Variants in OTOG observed in about 807,000 individuals in gnomAD.
The protein encoded by OTOG is otogelin.
In OTOG, 296 loss-of-function variants were observed where a neutral mutation model predicts 313.8. The observed-to-expected ratio is 0.94, with a 90% CI of 0.86 to 1.04. OTOG has a LOEUF of 1.04. Among genes scored for constraint, OTOG ranks in the 50% least tolerant of loss-of-function variants. The pLI is 0.00. For synonymous variants in OTOG, 1,533 were observed against 1,554.9 expected, an observed-to-expected ratio of 0.99 and a Z score of 0.33; for missense variants, 3,948 against 3,840.1, an observed-to-expected ratio of 1.03 and a Z score of -0.74.
chr11:17,574,967 C>G, intron 20 of OTOG, 55 bp downstream of exon 20: 1 of 1,423,492 alleles, frequency 7.0e-7, no homozygotes, highest in South Asian at 1.5e-5. Flanking sequence ...CCAGGGGTCT[C>G]CAGGGCATCT....
intron 32 of OTOG, among the ~76,000 whole-genome samples, chr11:17,604,431 C>T (rs1461342327): frequency 2.0e-5 from 3 of 152,208 alleles, no homozygotes; most frequent in Non-Finnish European, 4.4e-5. Flanking sequence ...TGCTGGGCTG[C>T]CCATGCCCAC....
intron 17 of OTOG, among the ~76,000 whole-genome samples, chr11:17,571,803 C>T (rs1176540719): frequency 1.3e-5 from 2 of 151,976 alleles, no homozygotes; most frequent in African/African-American, 4.8e-5. Flanking sequence ...ATGTGTACAT[C>T]CATGATTCTA....
intron 39 of OTOG, among the ~76,000 whole-genome samples, chr11:17,622,960 C>T (rs1320839223): frequency 6.6e-6 from 1 of 152,132 alleles, no homozygotes; most frequent in Non-Finnish European, 1.5e-5. Flanking sequence ...ACATTCCCAC[C>T]AAAAGTGTGA....
At chr11:17,611,892 G>A (rs1853559785) in intron 36 of OTOG, among the ~76,000 whole-genome samples, 1 of 152,082 alleles carries the variant, frequency 6.6e-6, no homozygotes, top group Admixed American at 6.6e-5. Context: ...GAGCTAGTGT[G>A]TATACATGCC....
At chr11:17,564,975 T>C (rs4757547) in intron 15 of OTOG, among the ~76,000 whole-genome samples, 3 of 152,100 alleles carry the variant, frequency 2.0e-5, no homozygotes, top group Non-Finnish European at 4.4e-5. Context: ...TTTTAGAACA[T>C]CTTTAGCTTT....
intron 15 of OTOG, 71 bp from the exon 16 acceptor site, chr11:17,569,085 C>T: frequency 5.2e-6 from 8 of 1,525,896 alleles, no homozygotes; most frequent in Middle Eastern, 2.0e-4. Context: ...GTCTCTGTCC[C>T]TAGAGGGCTC....
intron 8 of OTOG, among the ~76,000 whole-genome samples, chr11:17,557,688 G>A (rs1852085329): frequency 6.6e-6 from 1 of 150,662 alleles, no homozygotes; most frequent in African/African-American, 2.4e-5. Context: ...AGACACCTAT[G>A]GAGGAGTGGT....
rs1418330847 is a variant in OTOG at position 17,640,778 on chromosome 11, C to T, written c.7969C>T (p.His2657Tyr). ...EKSQLDEEFM[H>Y]SVENVCGCAK... The stretch of plus-strand genomic sequence containing the variant: ...ATCCCAGCTGGATGAGGAGTTCATG[C>T]ACAGCGTGGAGAATGTGTGTGGCTG... Residue 2657 changes from histidine (H) to tyrosine (Y), a missense_variant, in exon 50 of 56, where the codon CAC becomes TAC. His to Tyr is a moderately conservative substitution (Grantham distance 83, BLOSUM62 2). Coordinates refer to ENST00000399397, the MANE Select transcript of OTOG (RefSeq NM_001292063.2). 6.5e-7 allele frequency: 1 copy of T among 1,550,124 alleles called. No individual in the cohort carries two copies. The highest frequency in any genetic ancestry group is 1.4e-5 in the African/African-American group (1 of 73,070).
chr11:17,583,636 G>A (rs1007067731), intron 23 of OTOG, among the ~76,000 whole-genome samples: 8 of 152,076 alleles, frequency 5.3e-5, no homozygotes, highest in African/African-American at 1.4e-4. Context: ...CTGTATACAC[G>A]TGGGTATATT....
chr11:17,627,332 A>T (rs930422833), intron 39 of OTOG, among the ~76,000 whole-genome samples: 5 of 151,762 alleles, frequency 3.3e-5, no homozygotes, highest in East Asian at 1.9e-4. Context: ...TTGTGAAGGG[A>T]TGTTGAATTT....
intron 23 of OTOG, among the ~76,000 whole-genome samples, chr11:17,579,322 G>A (rs1005306677): frequency 6.6e-6 from 1 of 152,188 alleles, no homozygotes; most frequent in African/African-American, 2.4e-5. Context: ...CAGTCAGTTG[G>A]AGCTTTACTG....
At chr11:17,587,571 G>T (rs537063021) in intron 24 of OTOG, among the ~76,000 whole-genome samples, 11 of 152,262 alleles carry the variant, frequency 7.2e-5, no homozygotes, top group South Asian at 2.1e-4. Flanking sequence ...CCCATGCTGG[G>T]ACTGAAACCA....
intron 36 of OTOG, among the ~76,000 whole-genome samples, chr11:17,611,889 T>C (rs1853559717): frequency 6.6e-6 from 1 of 152,200 alleles, no homozygotes; most frequent in African/African-American, 2.4e-5. Flanking sequence ...TGTGAGCTAG[T>C]GTGTATACAT....
intron 39 of OTOG, among the ~76,000 whole-genome samples, chr11:17,614,234 C>T (rs534346395): frequency 7.9e-5 from 12 of 152,106 alleles, no homozygotes; most frequent in African/African-American, 2.4e-4. Flanking sequence ...GTCTCCTCCT[C>T]AGGTCCCAAA....
At position 17,561,712 on chromosome 11, in the gene OTOG, C is replaced by A. The variant is rs980878787; in HGVS notation, c.1549C>A (p.Arg517=). 1 of 1,550,494 alleles carries A rather than the reference C, an allele frequency of 6.4e-7. No individual in the cohort carries two copies. Among genetic ancestry groups the A allele is most frequent in the Non-Finnish European group, 8.7e-7 (1 of 1,146,972 alleles). ...DIHFTTFDGR[R]YTFPATCQYI... is the part of the protein sequence containing the mutation. The stretch of plus-strand genomic sequence containing the variant: ...TCACTTCACAACCTTTGATGGCCGC[C>A]GGTACACGTTCCCCGCCACATGTCA... The change falls in exon 15 of 56, where the codon CGG becomes AGG. Residue 517 remains arginine, a synonymous_variant. Coordinates refer to ENST00000399397, the MANE Select transcript of OTOG (RefSeq NM_001292063.2).
Position 17,645,790 on chromosome 11 carries a change from A to T in OTOG, c.8588A>T (p.Tyr2863Phe), listed in dbSNP as rs1186247787. Residue 2863 changes from tyrosine (Y) to phenylalanine (F), a missense_variant, in exon 56 of 56, where the codon TAC (tyrosine) becomes TTC (phenylalanine). Tyr to Phe is a conservative substitution (Grantham distance 22). Transcript: ENST00000399397. ...CDGRCPSASI[Y>F]NYNINTYARF... ...GGGAGGTGCCCATCCGCCAGCATCT[A>T]CAACTACAACATCAACACCTATGCC... 1 of 1,551,090 alleles carries T rather than the reference A, an allele frequency of 6.4e-7. No individual in the cohort carries two copies. The highest frequency in any genetic ancestry group is 8.7e-7 in the Non-Finnish European group (1 of 1,147,110).
At position 17,594,036 on chromosome 11, in the gene OTOG, T is replaced by C. The variant is rs1230192986; in HGVS notation, c.3289-11T>C. On this transcript the variant is annotated splice_polypyrimidine_tract_variant and intron_variant, in intron 27 of 55. Coordinates refer to ENST00000399397, the MANE Select transcript of OTOG (RefSeq NM_001292063.2). ...GCCTGCAACTGACCATGGTGTCCTCTCTCCTTTCAGGGCCAGCTGGCGGGC... is the reference window on the plus strand; with the variant it reads ...GCCTGCAACTGACCATGGTGTCCTCCCTCCTTTCAGGGCCAGCTGGCGGGC... 1 of 1,550,438 alleles carries C rather than the reference T, an allele frequency of 6.4e-7. No individual in the cohort carries two copies. The highest frequency in any genetic ancestry group is 8.7e-7 in the Non-Finnish European group (1 of 1,146,988).
In OTOG at chr11:17,609,753, C is replaced by T. The variant is rs1320622036; in HGVS notation, c.4453C>T (p.Leu1485=). ...CACTCCCAGTGATGAGGAGCCACAG[C>T]TGTCACAGGAAAGCCCCAGGACCCC... ...LPTPSDEEPQ[L]SQESPRTPTH... is the part of the protein sequence containing the mutation. Residue 1485 remains leucine, a synonymous_variant, in exon 36 of 56, where the codon CTG becomes TTG. Transcript: ENST00000399397. 3.2e-6 allele frequency: 5 copies of T among 1,548,752 alleles called. No homozygotes were observed. Among genetic ancestry groups the T allele is most frequent in the Non-Finnish European group, 4.4e-6 (5 of 1,146,084 alleles).
intron 39 of OTOG, among the ~76,000 whole-genome samples, chr11:17,627,445 A>C (rs918031848): frequency 6.6e-6 from 1 of 152,064 alleles, no homozygotes; most frequent in African/African-American, 2.4e-5. Context: ...GTTGAATCCC[A>C]CTTGGTCACA....
Sources: gnomAD v4.1 joint callset for allele counts (sites outside exome capture counted in the v4.1 genomes callset) on GRCh38, gnomAD v4.1.1 for gene constraint, MANE v1.5 for transcripts, NCBI Gene and HGNC (gene_info 2026-07-23, HGNC 2026-07-21) for gene names.